The following PTPRN2 variants were observed in gnomAD, a reference collection of about 807,000 sequenced individuals.
The protein encoded by PTPRN2 is receptor-type tyrosine-protein phosphatase N2.
In PTPRN2, 74 loss-of-function variants were observed where a neutral mutation model predicts 118.8. The ratio of observed to expected loss-of-function variants is 0.62; its 90% CI spans 0.52 to 0.76. The LOEUF (loss-of-function observed/expected upper bound fraction) is 0.76. Ranked by LOEUF, PTPRN2 falls within the 30% of genes least tolerant of loss-of-function variation. PTPRN2 has a pLI of 0.00. For synonymous variants in PTPRN2, 641 were observed against 608.0 expected (o/e 1.05, Z -0.80); for missense variants, 1,481 against 1,394.4 (o/e 1.06, Z -0.99).
chr7:157,877,151 A>G (rs1470000846), intron 12 of PTPRN2, among the ~76,000 whole-genome samples: 45 of 110,246 alleles, frequency 4.1e-4, no homozygotes, highest in Middle Eastern at 9.6e-3. Context: ...GGGTTTCCTC[A>G]GGGACCCCAG....
chr7:158,005,284 G>GGCTGGT (rs1805560416), intron 11 of PTPRN2, among the ~76,000 whole-genome samples: 1 of 151,918 alleles, frequency 6.6e-6, no homozygotes. Flanking sequence ...ATGTTGGTCA[G>GGCTGGT]GCTGGTCTCG....
chr7:157,796,045 G>GAAAC (rs900388883), intron 12 of PTPRN2, among the ~76,000 whole-genome samples: 11 of 152,352 alleles, frequency 7.2e-5, no homozygotes, highest in Admixed American at 6.5e-4. Flanking sequence ...CCCGCCCCGT[G>GAAAC]AAACAGCAAA....
intron 2 of PTPRN2, among the ~76,000 whole-genome samples, chr7:158,372,061 C>T (rs1328703466): frequency 6.6e-6 from 1 of 152,212 alleles, no homozygotes; most frequent in Non-Finnish European, 1.5e-5. Flanking sequence ...CAGGGCCACA[C>T]CTTCCGGGGA....
chr7:158,285,062 GTTTGT>G (rs1799680431), intron 3 of PTPRN2, among the ~76,000 whole-genome samples: 1 of 152,172 alleles, frequency 6.6e-6, no homozygotes, highest in South Asian at 2.1e-4. Context: ...GGGAGCTTTT[GTTTGT>G]TTTTTGTTTT....
In PTPRN2 at chr7:157,990,874, GA is replaced by G. The variant is rs1364401532; in HGVS notation, c.1723+90423del. Among the ~76,000 whole-genome samples the G allele has an allele frequency of 6.6e-6, 1 of 152,202 alleles. No homozygotes were observed. Among genetic ancestry groups the G allele is most frequent in the Non-Finnish European group, 1.5e-5 (1 of 68,028 alleles). Reference sequence around the variant, plus strand: ...CCAGCGCTTACCGAGGAGGACTGGGGAGGGGGGCCGAGTCTCCAGTCAGGCA... The same window carrying G: ...CCAGCGCTTACCGAGGAGGACTGGGGGGGGGGCCGAGTCTCCAGTCAGGCA... On this transcript the variant is annotated intron_variant, in intron 11 of 22. Transcript: ENST00000389418. The surrounding 1 kb of genome is among the most constrained non-coding windows in gnomAD (Gnocchi z 4.3).
chr7:158,005,353 C>T (rs1298161189), intron 11 of PTPRN2, among the ~76,000 whole-genome samples: 1 of 152,144 alleles, frequency 6.6e-6, no homozygotes, highest in Non-Finnish European at 1.5e-5. Context: ...GGATTACAGG[C>T]GTGAGCCACC....
At chr7:157,842,660 A>G (rs1015864152) in intron 12 of PTPRN2, among the ~76,000 whole-genome samples, 2 of 151,850 alleles carry the variant, frequency 1.3e-5, no homozygotes, top group African/African-American at 2.4e-5. Context: ...TGATTCGCCC[A>G]CCTCAGCCTC....
At chr7:157,561,133 C>A (rs1343908747) in intron 21 of PTPRN2, among the ~76,000 whole-genome samples, 1 of 152,138 alleles carries the variant, frequency 6.6e-6, no homozygotes, top group Non-Finnish European at 1.5e-5. Flanking sequence ...GCCATGCCAT[C>A]CCCTCGGCCC....
intron 2 of PTPRN2, among the ~76,000 whole-genome samples, chr7:158,353,027 C>A (rs1808128292): frequency 6.6e-6 from 1 of 152,248 alleles, no homozygotes; most frequent in African/African-American, 2.4e-5. Flanking sequence ...ACAGATCACA[C>A]CCTGTTAGTA....
chr7:157,887,922 C>T (rs1203874464), intron 12 of PTPRN2, among the ~76,000 whole-genome samples: 1 of 149,400 alleles, frequency 6.7e-6, no homozygotes, highest in Admixed American at 6.7e-5. Flanking sequence ...CTGCCAGAGC[C>T]CACCACATGC....
chr7:158,319,147 G>A (rs1267038200), intron 2 of PTPRN2, among the ~76,000 whole-genome samples: 1 of 152,026 alleles, frequency 6.6e-6, no homozygotes, highest in African/African-American at 2.4e-5. Flanking sequence ...ACAATATAAT[G>A]CATAATATAG....
intron 3 of PTPRN2, among the ~76,000 whole-genome samples, chr7:158,285,879 C>G (rs1799736881): frequency 6.6e-6 from 1 of 152,050 alleles, no homozygotes; most frequent in Admixed American, 6.6e-5. Context: ...CAGAGGACAC[C>G]AAAGGTTTCA....
In PTPRN2 at chr7:158,580,292, C is replaced by T. The variant is rs771577983; in HGVS notation, c.112+7266G>A. Among the ~76,000 whole-genome samples the T allele has an allele frequency of 1.1e-4, 16 of 152,246 alleles. 1 individual carries two copies. The highest frequency in any genetic ancestry group is 9.6e-4 in the East Asian group (5 of 5,202). On this transcript the variant is annotated intron_variant, in intron 1 of 22. Transcript: ENST00000389418. Reference sequence around the variant, plus strand: ...AGCCTCTGACTGCCAATTTTATTAGCGGCTCCATCCATTTACAAGTTGAAT... The same window carrying T: ...AGCCTCTGACTGCCAATTTTATTAGTGGCTCCATCCATTTACAAGTTGAAT...
chr7:158,118,679 T>A (rs1816917276), intron 9 of PTPRN2, among the ~76,000 whole-genome samples: 1 of 152,236 alleles, frequency 6.6e-6, no homozygotes, highest in African/African-American at 2.4e-5. Flanking sequence ...TTGCATTAAC[T>A]ATAAGCATAA....
intron 11 of PTPRN2, among the ~76,000 whole-genome samples, chr7:157,941,867 C>T (rs1800150724): frequency 6.6e-6 from 1 of 152,182 alleles, no homozygotes; most frequent in South Asian, 2.1e-4. Flanking sequence ...TGTGGCCAGG[C>T]TGAGTGCCCA....
intron 5 of PTPRN2, among the ~76,000 whole-genome samples, chr7:158,169,363 C>G (rs1386666326): frequency 1.3e-5 from 2 of 151,880 alleles, no homozygotes; most frequent in Non-Finnish European, 2.9e-5. Context: ...ATGTCTCTGC[C>G]TCCCAAGTAG....
At chr7:158,528,964 G>T (rs1160194219) in intron 1 of PTPRN2, among the ~76,000 whole-genome samples, 1 of 152,136 alleles carries the variant, frequency 6.6e-6, no homozygotes, top group Admixed American at 6.5e-5. Flanking sequence ...AGCTCCTCAG[G>T]GGGCCAGCCC....
chr7:158,387,578 G>GCACTCTCTGGGTCCTGGGGGGACTGGA (rs1811576905), intron 2 of PTPRN2, among the ~76,000 whole-genome samples: 2 of 16,948 alleles, frequency 1.2e-4, no homozygotes, highest in South Asian at 1.9e-3. Context: ...TGTCAGCTCA[G>GCACTCTCTGGGTCCTGGGGGGACTGGA]CTTGGCCCGG....
Position 158,438,239 on chromosome 7 carries a change from G to A in PTPRN2, c.163+51496C>T, listed in dbSNP as rs201792023. On this transcript the variant is annotated intron_variant, in intron 2 of 22. Coordinates refer to ENST00000389418, the MANE Select transcript of PTPRN2 (RefSeq NM_002847.5). This position sits in a 1 kb window ranked among gnomAD's most constrained non-coding sequence, Gnocchi z 4.7. ...CTAAAAATACAAAAATTAGCCAGGC[G>A]TGGTGGTGCATGCCTGTAATCCCAG... 5.3e-5 allele frequency among the ~76,000 whole-genome samples: 8 copies of A among 152,070 alleles called. No homozygotes were observed. The highest frequency in any genetic ancestry group is 1.7e-4 in the African/African-American group (7 of 41,418).
Sources: gnomAD v4.1 joint callset for allele counts (sites outside exome capture counted in the v4.1 genomes callset) on GRCh38, gnomAD v4.1.1 for gene constraint, Gnocchi (gnomAD v3.1) non-coding constraint, MANE v1.5 for transcripts, NCBI Gene and HGNC (gene_info 2026-07-23, HGNC 2026-07-21) for gene names.